The following BEST4 variants were observed in gnomAD, a reference collection of about 807,000 sequenced individuals.
The protein encoded by BEST4 is bestrophin 4.
A neutral mutation model predicts 47.1 loss-of-function variants in BEST4; 36 were observed. That is an observed-to-expected ratio of 0.76 (90% CI 0.59 to 1.01). The LOEUF (loss-of-function observed/expected upper bound fraction) is 1.01, where lower values mean the gene tolerates loss of function less well. BEST4 is among the 50% of genes least tolerant of loss of function. BEST4 has a pLI of 0.00. For missense variants in BEST4, 550 were observed against 648.6 expected (o/e 0.85, Z 1.65); for synonymous variants, 250 against 277.8 (o/e 0.90, Z 1.00).
Position 44,784,392 on chromosome 1 carries a change from G to A in BEST4, c.1240C>T (p.Arg414Cys). 2 of 1,402,202 alleles carry A rather than the reference G, an allele frequency of 1.4e-6. No individual in the cohort carries two copies. The highest frequency in any genetic ancestry group is 1.8e-6 in the Non-Finnish European group (2 of 1,090,154). 86.9% of individuals were successfully genotyped at this position (1,402,202 alleles called of 1,614,324 possible). A position where few individuals can be genotyped will look rare whatever the true frequency, so the allele number is the denominator to read the frequency against. The change falls in exon 9 of 9, where the codon CGC becomes TGC. Residue 414 changes from arginine to cysteine, a missense_variant. Transcript: ENST00000372207. This position sits in a 1 kb window ranked among gnomAD's most constrained non-coding sequence, Gnocchi z 6.2. ...GAGGGCGCCCCTACGCCCAGGAAGCGGCCGAGCAACGGGGTCTGCGCGGCG... is the reference window on the plus strand; with the variant it reads ...GAGGGCGCCCCTACGCCCAGGAAGCAGCCGAGCAACGGGGTCTGCGCGGCG... Reference protein sequence around the residue: ...APAAQTPLLGRFLGVGAPSPA... With the variant: ...APAAQTPLLGCFLGVGAPSPA...
At chr1:44,789,929 C>T (rs1178693329), upstream of BEST4, among the ~76,000 whole-genome samples, 2 of 152,132 alleles carry the variant, frequency 1.3e-5, no homozygotes, top group African/African-American at 4.8e-5. Flanking sequence ...TGATTAGGAG[C>T]ACAGGCTTGG....
intron 1 of BEST4, 30 bp downstream of exon 1, chr1:44,787,524 C>G: frequency 6.2e-7 from 1 of 1,614,152 alleles, no homozygotes; most frequent in East Asian, 2.2e-5. Context: ...AGTCTCCCCA[C>G]TTGCGCCAGC....
At position 44,783,900 on chromosome 1, in the gene BEST4, C is replaced by A; in HGVS notation, c.*310G>T. 1 of 285,528 alleles carries A rather than the reference C, an allele frequency of 3.5e-6. No individual in the cohort carries two copies. The highest frequency in any genetic ancestry group is 5.8e-5 in the East Asian group (1 of 17,100). 17.7% of individuals were successfully genotyped at this position (285,528 alleles called of 1,614,324 possible). On this transcript the variant is annotated 3_prime_UTR_variant, in exon 9 of 9. Transcript: ENST00000372207. Reference sequence around the variant, plus strand: ...GCTGATCCTTCCTTAAGTTTGAGAACCAATGGCCTAGCTCCCTGTTGCTGT... The same window carrying A: ...GCTGATCCTTCCTTAAGTTTGAGAAACAATGGCCTAGCTCCCTGTTGCTGT...
Position 44,785,004 on chromosome 1 carries a change from G to C in BEST4, c.913-19C>G. 6.2e-7 allele frequency: 1 copy of C among 1,613,338 alleles called. No individual in the cohort carries two copies. Among genetic ancestry groups the C allele is most frequent in the East Asian group, 2.2e-5 (1 of 44,880 alleles). ...CAGCCACCTATAGGTGGCAGAGACA[G>C]GGTTTTCTGGGTTCAGAGCCCCACT... On this transcript the variant is annotated intron_variant, in intron 6 of 8. Coordinates refer to ENST00000372207, the MANE Select transcript of BEST4 (RefSeq NM_153274.3).
In BEST4 at chr1:44,784,617, C is replaced by T. The variant is rs760457800; in HGVS notation, c.1148+12G>A. 1 of 1,611,180 alleles carries T rather than the reference C, an allele frequency of 6.2e-7. No homozygotes were observed. Among genetic ancestry groups the T allele is most frequent in the Non-Finnish European group, 8.5e-7 (1 of 1,179,014 alleles). The stretch of plus-strand genomic sequence containing the variant: ...CCCGCGTGCCGGGTCAGGCCCAGTG[C>T]AAGCCACTCACCGCAGGTTGAAGGT... On this transcript the variant is annotated intron_variant, in intron 8 of 8. Transcript: ENST00000372207. This position sits in a 1 kb window ranked among gnomAD's most constrained non-coding sequence, Gnocchi z 6.2.
upstream of BEST4, among the ~76,000 whole-genome samples, chr1:44,790,670 G>C (rs1027100120): frequency 2.6e-4 from 39 of 152,152 alleles, no homozygotes; most frequent in Non-Finnish European, 3.8e-4. Context: ...TGACACTTTG[G>C]GAGGCTGAGG....
At chr1:44,792,109 G>A (rs1353907992), upstream of BEST4, among the ~76,000 whole-genome samples, 1 of 152,122 alleles carries the variant, frequency 6.6e-6, no homozygotes, top group Non-Finnish European at 1.5e-5. Context: ...GAGCATGGTG[G>A]CACATGCCTG....
At position 44,784,674 on chromosome 1, in the gene BEST4, G is replaced by A. The variant is rs777990349; in HGVS notation, c.1103C>T (p.Ala368Val). 1.2e-6 allele frequency: 2 copies of A among 1,613,142 alleles called. No individual in the cohort carries two copies. The highest frequency in any genetic ancestry group is 1.3e-5 in the African/African-American group (1 of 75,056). Residue 368 changes from alanine to valine, a missense_variant, in exon 8 of 9, where the codon GCC (alanine) becomes GTC (valine). By Grantham distance (64) the Ala-to-Val change is moderately conservative. Around this residue, in one of 3 missense-constraint regions of BEST4, gnomAD observed 255 missense variants for 286.6 expected, o/e 0.89. Transcript: ENST00000372207. This position sits in a 1 kb window ranked among gnomAD's most constrained non-coding sequence, Gnocchi z 6.2. ...CAGGAATGAGGGCCGCAGAGACTCGGCCGCCGTGGCCACAGTGTAGGGTGG... is the reference window on the plus strand; with the variant it reads ...CAGGAATGAGGGCCGCAGAGACTCGACCGCCGTGGCCACAGTGTAGGGTGG... ...PQPPYTVATA[A>V]ESLRPSFLGS...
rs747546051 is a variant in BEST4 at position 44,787,726 on chromosome 1, G to A, written c.-21C>T. The A allele has an allele frequency of 1.2e-6, 2 of 1,613,502 alleles. No individual in the cohort carries two copies. The highest frequency in any genetic ancestry group is 2.2e-5 in the East Asian group (1 of 44,888). Reference sequence around the variant, plus strand: ...GTCATGGTGCTGGGAGCCTGGGGCAGGAGGTCACAAGAGTTGCCCCCAGGG... The same window carrying A: ...GTCATGGTGCTGGGAGCCTGGGGCAAGAGGTCACAAGAGTTGCCCCCAGGG... On this transcript the variant is annotated 5_prime_UTR_variant, in exon 1 of 9. Transcript: ENST00000372207.
In BEST4 at chr1:44,786,423, T is replaced by C. The variant is rs2148848060; in HGVS notation, c.481+40A>G. 6.8e-7 allele frequency: 1 copy of C among 1,470,258 alleles called. No individual in the cohort carries two copies. The highest frequency in any genetic ancestry group is 9.0e-7 in the Non-Finnish European group (1 of 1,106,614). 91.1% of individuals were successfully genotyped at this position (1,470,258 alleles called of 1,614,324 possible). A position where few individuals can be genotyped will look rare whatever the true frequency, so the allele number is the denominator to read the frequency against. On this transcript the variant is annotated intron_variant, in intron 3 of 8. Transcript: ENST00000372207. The surrounding 1 kb of genome is among the most constrained non-coding windows in gnomAD (Gnocchi z 4.9). ...CTCCCAGGCGCCACCTGCATCCGGCTGTGGGCCGGACCCCCAGAGGCTCCC... is the reference window on the plus strand; with the variant it reads ...CTCCCAGGCGCCACCTGCATCCGGCCGTGGGCCGGACCCCCAGAGGCTCCC...
Position 44,787,855 on chromosome 1 carries a change from A to G in BEST4, c.-150T>C, listed in dbSNP as rs1263415635. ...AGGGGGTAGGAGCCTGCAGAGCAGAAAAGTACACCCCACCCCCTGCAGAAC... is the reference window on the plus strand; with the variant it reads ...AGGGGGTAGGAGCCTGCAGAGCAGAGAAGTACACCCCACCCCCTGCAGAAC... On this transcript the variant is annotated 5_prime_UTR_variant, in exon 1 of 9. Transcript: ENST00000372207. 1 of 905,498 alleles carries G rather than the reference A, an allele frequency of 1.1e-6. No homozygotes were observed. Among genetic ancestry groups the G allele is most frequent in the East Asian group, 2.6e-5 (1 of 38,128 alleles). The allele number at this position is 905,498 out of a possible 1,614,324, so 56.1% of individuals were successfully genotyped here. A position where few individuals can be genotyped will look rare whatever the true frequency, so the allele number is the denominator to read the frequency against.
upstream of BEST4, among the ~76,000 whole-genome samples, chr1:44,789,701 A>G (rs1339219792): frequency 6.6e-6 from 1 of 152,198 alleles, no homozygotes; most frequent in African/African-American, 2.4e-5. Context: ...TTTGTCTCAA[A>G]AAAGAAAAAG....
At position 44,787,780 on chromosome 1, in the gene BEST4, C is replaced by A; in HGVS notation, c.-75G>T. On this transcript the variant is annotated 5_prime_UTR_variant, in exon 1 of 9. It adds an upstream start codon to the 5' untranslated region. Coordinates refer to ENST00000372207, the MANE Select transcript of BEST4 (RefSeq NM_153274.3). The stretch of plus-strand genomic sequence containing the variant: ...TCGTTTAGTTCTCCAGACAACCTCC[C>A]TTCCACTCTGGTCTCACACACCCCA... The A allele has an allele frequency of 1.3e-6, 2 of 1,561,826 alleles. No homozygotes were observed. The highest frequency in any genetic ancestry group is 2.2e-5 in the East Asian group (1 of 44,462).
At chr1:44,790,890 G>A (rs1247269513), upstream of BEST4, among the ~76,000 whole-genome samples, 2 of 152,080 alleles carry the variant, frequency 1.3e-5, no homozygotes, top group African/African-American at 2.4e-5. Flanking sequence ...CAGCTTGGGT[G>A]ACAGAGTGAG....
Position 44,785,673 on chromosome 1 carries a change from G to C in BEST4, c.640C>G (p.Leu214Val), listed in dbSNP as rs1276229296. 6.4e-7 allele frequency: 1 copy of C among 1,553,186 alleles called. No homozygotes were observed. Among genetic ancestry groups the C allele is most frequent in the African/African-American group, 1.4e-5 (1 of 73,046 alleles). Residue 214 changes from leucine (L) to valine (V), a missense_variant, in exon 5 of 9, where the codon CTG becomes GTG. By Grantham distance (32) the Leu-to-Val change is conservative (BLOSUM62 1). Around this residue, in one of 3 missense-constraint regions of BEST4, gnomAD observed 291 missense variants for 342.4 expected, o/e 0.85. Coordinates refer to ENST00000372207, the MANE Select transcript of BEST4 (RefSeq NM_153274.3). ...CTGCACTTGGCTCGGTACTTGTTCAGCTCCTGGGGGAACAGCAGGAACAGG... is the reference window on the plus strand; with the variant it reads ...CTGCACTTGGCTCGGTACTTGTTCACCTCCTGGGGGAACAGCAGGAACAGG... ...DIALCLLLEE[L>V]NKYRAKCSML...
chr1:44,784,095 T>C lies in BEST4; in HGVS notation c.*115A>G. On this transcript the variant is annotated 3_prime_UTR_variant, in exon 9 of 9. Coordinates refer to ENST00000372207, the MANE Select transcript of BEST4 (RefSeq NM_153274.3). The surrounding 1 kb of genome is among the most constrained non-coding windows in gnomAD (Gnocchi z 6.2). ...TCTTTCAAGTTCTGTCCCTAAATGC[T>C]CTGGCCTTCAAGGCACACAGGAAAA... is the stretch of plus-strand genomic sequence containing the variant. 3 of 1,038,196 alleles carry C rather than the reference T, an allele frequency of 2.9e-6. No individual in the cohort carries two copies. The highest frequency in any genetic ancestry group is 3.8e-6 in the Non-Finnish European group (3 of 779,442). 64.3% of individuals were successfully genotyped at this position (1,038,196 alleles called of 1,614,324 possible). A position where few individuals can be genotyped will look rare whatever the true frequency, so the allele number is the denominator to read the frequency against.
In BEST4 at chr1:44,786,278, G is replaced by A. The variant is rs771574775; in HGVS notation, c.482-50C>T. On this transcript the variant is annotated intron_variant, in intron 3 of 8. Coordinates refer to ENST00000372207, the MANE Select transcript of BEST4 (RefSeq NM_153274.3). This position sits in a 1 kb window ranked among gnomAD's most constrained non-coding sequence, Gnocchi z 4.9. ...GCAGTTGCACCCTCTGCCGCCAGGG[G>A]AGGCTGCTGTTCCGCCGTCTGGCTC... is the stretch of plus-strand genomic sequence containing the variant. 3 of 1,554,982 alleles carry A rather than the reference G, an allele frequency of 1.9e-6. No individual in the cohort carries two copies. In the South Asian group the frequency reaches 3.7e-5, roughly 19 times the overall value.
Position 44,786,807 on chromosome 1 carries a change from C to T in BEST4, c.248-111G>A. On this transcript the variant is annotated intron_variant, in intron 2 of 8. Transcript: ENST00000372207. This position sits in a 1 kb window ranked among gnomAD's most constrained non-coding sequence, Gnocchi z 4.9. Reference sequence around the variant, plus strand: ...CTGGTCCAGGCCAGTTGAATCGTGGCAGGGGGAAGGAAACATTCAGCTCCA... The same window carrying T: ...CTGGTCCAGGCCAGTTGAATCGTGGTAGGGGGAAGGAAACATTCAGCTCCA... 3.7e-6 allele frequency: 3 copies of T among 817,514 alleles called. No homozygotes were observed. Among genetic ancestry groups the T allele is most frequent in the Non-Finnish European group, 5.7e-6 (3 of 527,434 alleles). 50.6% of individuals were successfully genotyped at this position (817,514 alleles called of 1,614,324 possible).
upstream of BEST4, among the ~76,000 whole-genome samples, chr1:44,792,483 A>T (rs1228687888): frequency 6.6e-6 from 1 of 151,816 alleles, no homozygotes; most frequent in Non-Finnish European, 1.5e-5. Context: ...TGCCTATCAC[A>T]TGGAGTCGTT....
Sources: allele counts gnomAD v4.1 joint callset (sites outside exome capture counted in the v4.1 genomes callset), GRCh38; gene constraint gnomAD v4.1.1; regional missense constraint gnomAD v4.1.1; non-coding constraint Gnocchi (gnomAD v3.1); transcripts MANE v1.5; gene names NCBI Gene and HGNC (gene_info 2026-07-23, HGNC 2026-07-21).